Variants in ATP1B2 observed in about 807,000 individuals in gnomAD.
ATP1B2 encodes the protein ATPase Na+/K+ transporting subunit beta 2.
ATP1B2 carries 12 observed loss-of-function variants against 37.3 expected under a neutral mutation model. The observed-to-expected ratio is 0.32, with a 90% CI of 0.21 to 0.52. ATP1B2 has a LOEUF of 0.52. Ranked by LOEUF, ATP1B2 falls within the 20% of genes least tolerant of loss-of-function variation. ATP1B2 has a pLI of 0.96. For missense variants in ATP1B2, 324 were observed against 391.6 expected (o/e 0.83, Z 1.46); for synonymous variants, 139 against 140.5 (o/e 0.99, Z 0.07).
Position 7,655,250 on chromosome 17 carries a change from G to T in ATP1B2, c.610-277G>T, listed in dbSNP as rs1433214050. 5 of 515,576 alleles carry T rather than the reference G, an allele frequency of 9.7e-6. No individual in the cohort carries two copies. The highest frequency in any genetic ancestry group is 1.7e-5 in the Non-Finnish European group (5 of 290,108). 31.9% of individuals were successfully genotyped at this position (515,576 alleles called of 1,614,324 possible). A position where few individuals can be genotyped will look rare whatever the true frequency, so the allele number is the denominator to read the frequency against. On this transcript the variant is annotated intron_variant, in intron 5 of 6. Transcript: ENST00000250111. This position sits in a 1 kb window ranked among gnomAD's most constrained non-coding sequence, Gnocchi z 4.4. ...CTCTGCTCCAGAAACTGATTCCTGA[G>T]GATGGGGTAAGAACTTGGGGTAGGA...
Position 7,656,080 on chromosome 17 carries a change from C to T in ATP1B2, c.*185C>T, listed in dbSNP as rs1020165944. On this transcript the variant is annotated 3_prime_UTR_variant, in exon 7 of 7. Coordinates refer to ENST00000250111, the MANE Select transcript of ATP1B2 (RefSeq NM_001678.5). ...AAGTCCATTGCGGTTCCGTCACTCG[C>T]CTTTCCCACCAACTTCTCCCAACCT... 2.6e-5 allele frequency: 20 copies of T among 768,576 alleles called. No individual in the cohort carries two copies. The highest frequency in any genetic ancestry group is 3.5e-5 in the Non-Finnish European group (17 of 491,896). The allele number at this position is 768,576 out of a possible 1,614,324, so 47.6% of individuals were successfully genotyped here. A position where few individuals can be genotyped will look rare whatever the true frequency, so the allele number is the denominator to read the frequency against.
At position 7,657,083 on chromosome 17, in the gene ATP1B2, T is replaced by G. The variant is rs1332071585; in HGVS notation, c.*1188T>G. 6.6e-6 allele frequency: 1 copy of G among 152,164 alleles called. No individual in the cohort carries two copies. Among genetic ancestry groups the G allele is most frequent in the African/African-American group, 2.4e-5 (1 of 41,428 alleles). The allele number at this position is 152,164 out of a possible 1,614,324, so 9.4% of individuals were successfully genotyped here. A position where few individuals can be genotyped will look rare whatever the true frequency, so the allele number is the denominator to read the frequency against. ...CACTTTGTTTTTATGGATGGCTCCC[T>G]TCCCCCATTCGCCTTCCCAGAATAT... is the stretch of plus-strand genomic sequence containing the variant. On this transcript the variant is annotated 3_prime_UTR_variant, in exon 7 of 7. Transcript: ENST00000250111.
Position 7,653,836 on chromosome 17 carries a change from T to TG in ATP1B2, c.242-4dup. The TG allele has an allele frequency of 1.2e-6, 2 of 1,614,042 alleles. No individual in the cohort carries two copies. The highest frequency in any genetic ancestry group is 8.5e-7 in the Non-Finnish European group (1 of 1,179,914). ...ACCCCCAACTTCTGCCTTTGTTGGC[T>TG]GTAGGCTTGATGATTCGCCCCAAGA... On this transcript the variant is annotated splice_polypyrimidine_tract_variant and splice_region_variant and intron_variant, in intron 2 of 6. Coordinates refer to ENST00000250111, the MANE Select transcript of ATP1B2 (RefSeq NM_001678.5).
In ATP1B2 at chr17:7,657,421, C is replaced by A. The variant is rs2072662838; in HGVS notation, c.*1526C>A. On this transcript the variant is annotated 3_prime_UTR_variant, in exon 7 of 7. Coordinates refer to ENST00000250111, the MANE Select transcript of ATP1B2 (RefSeq NM_001678.5). The stretch of plus-strand genomic sequence containing the variant: ...ACAAAAACAAAAAAACCCATAATGC[C>A]CACAGAATGTCAAATGAGGGGCCTC... The A allele has an allele frequency of 6.6e-6, 1 of 152,276 alleles. No homozygotes were observed. The highest frequency in any genetic ancestry group is 2.4e-5 in the African/African-American group (1 of 41,414). 9.4% of individuals were successfully genotyped at this position (152,276 alleles called of 1,614,324 possible).
rs1481039215 is a variant in ATP1B2 at position 7,656,889 on chromosome 17, C to T, written c.*994C>T. 6 of 142,004 alleles carry T rather than the reference C, an allele frequency of 4.2e-5. No individual in the cohort carries two copies. Among genetic ancestry groups the T allele is most frequent in the African/African-American group, 1.6e-4 (6 of 38,356 alleles). 8.8% of individuals were successfully genotyped at this position (142,004 alleles called of 1,614,324 possible). ...GAGATGGGGGTTTCTCCTTGTTGGTCAGGCTGGTCTCGAACTCCCGACCTC... is the reference window on the plus strand; with the variant it reads ...GAGATGGGGGTTTCTCCTTGTTGGTTAGGCTGGTCTCGAACTCCCGACCTC... On this transcript the variant is annotated 3_prime_UTR_variant, in exon 7 of 7. Coordinates refer to ENST00000250111, the MANE Select transcript of ATP1B2 (RefSeq NM_001678.5).
rs762146423 is a variant in ATP1B2 at position 7,655,667 on chromosome 17, G to A, written c.708+42G>A. 1 of 1,613,970 alleles carries A rather than the reference G, an allele frequency of 6.2e-7. No individual in the cohort carries two copies. Among genetic ancestry groups the A allele is most frequent in the Admixed American group, 1.7e-5 (1 of 60,002 alleles). On this transcript the variant is annotated intron_variant, in intron 6 of 6. Transcript: ENST00000250111. This position sits in a 1 kb window ranked among gnomAD's most constrained non-coding sequence, Gnocchi z 4.4. ...GCCCAGGCTGATGGCGGGTGCGGGT[G>A]GTGAGCTAGGGAAGGAGGCCGCGTT...
upstream of ATP1B2, among the ~76,000 whole-genome samples, chr17:7,649,748 C>A (rs1316529684): frequency 6.6e-6 from 1 of 151,656 alleles, no homozygotes; most frequent in Non-Finnish European, 1.5e-5. Context: ...TTAGTAGGGA[C>A]GGGGTTTCAC....
At position 7,651,217 on chromosome 17, in the gene ATP1B2, GT is replaced by G. The variant is rs68145494; in HGVS notation, c.-301del. Reference sequence around the variant, plus strand: ...TTTCGTTTTGTTTCTAGACGGTTTGGTGGGGGGTGAAGCTGCATTCATACCC... The same window carrying G: ...TTTCGTTTTGTTTCTAGACGGTTTGGGGGGGGTGAAGCTGCATTCATACCC... On this transcript the variant is annotated 5_prime_UTR_variant, in exon 1 of 7. Transcript: ENST00000250111. The G allele has an allele frequency of 2.8e-3, 1,012 of 361,006 alleles. 1 individual carries two copies. Among genetic ancestry groups the G allele is most frequent in the African/African-American group, 0.011 (490 of 44,980 alleles). The allele number at this position is 361,006 out of a possible 1,614,324, so 22.4% of individuals were successfully genotyped here. A position where few individuals can be genotyped will look rare whatever the true frequency, so the allele number is the denominator to read the frequency against.
chr17:7,655,919 C>G lies in ATP1B2; in HGVS notation c.*24C>G, dbSNP rs2072648587. The G allele has an allele frequency of 3.7e-6, 6 of 1,612,830 alleles. No individual in the cohort carries two copies. Among genetic ancestry groups the G allele is most frequent in the Non-Finnish European group, 5.1e-6 (6 of 1,179,404 alleles). ...GAGGCCCCTTCCTCCCACCCCATCT[C>G]TCTCCTGTGGATGCTCCTGGAATGT... On this transcript the variant is annotated 3_prime_UTR_variant, in exon 7 of 7. Transcript: ENST00000250111. The surrounding 1 kb of genome is among the most constrained non-coding windows in gnomAD (Gnocchi z 4.4).
rs1356403045 is a variant in ATP1B2, at chr17:7,654,694, T to C, written c.609+10T>C. Reference sequence around the variant, plus strand: ...TACCTGTGCTGGGAAGGTGAGTTCGTTGGGCCTTGTCTGCCTGCTCACCTG... The same window carrying C: ...TACCTGTGCTGGGAAGGTGAGTTCGCTGGGCCTTGTCTGCCTGCTCACCTG... On this transcript the variant is annotated intron_variant, in intron 5 of 6. Coordinates refer to ENST00000250111, the MANE Select transcript of ATP1B2 (RefSeq NM_001678.5). The surrounding 1 kb of genome is among the most constrained non-coding windows in gnomAD (Gnocchi z 4.9). The C allele has an allele frequency of 6.2e-7, 1 of 1,614,122 alleles. No homozygotes were observed. The highest frequency in any genetic ancestry group is 8.5e-7 in the Non-Finnish European group (1 of 1,179,966).
At chr17:7,647,587 G>C (rs889187142), upstream of ATP1B2, among the ~76,000 whole-genome samples, 1 of 152,158 alleles carries the variant, frequency 6.6e-6, no homozygotes, top group Non-Finnish European at 1.5e-5. Flanking sequence ...TTGGGAGGCC[G>C]AGGTGGGCGG....
rs376750521 is a variant in ATP1B2, at chr17:7,654,164, C to G, written c.459C>G (p.Asn153Lys). The change falls in exon 4 of 7, where the codon AAC becomes AAG. Residue 153 changes from asparagine (N) to lysine (K), a missense_variant. Physicochemically the swap from Asn to Lys is moderately conservative, Grantham distance 94. Transcript: ENST00000250111. The surrounding 1 kb of genome is among the most constrained non-coding windows in gnomAD (Gnocchi z 4.9). ...ACCCCAAACGTGCCTGCCAATTCAACCGGACCCAGCTGGGCAACTGCTCCG... is the reference window on the plus strand; with the variant it reads ...ACCCCAAACGTGCCTGCCAATTCAAGCGGACCCAGCTGGGCAACTGCTCCG... The part of the protein sequence containing the change: ...LNYPKRACQF[N>K]RTQLGNCSGI... 267 of 1,614,108 alleles carry G rather than the reference C, an allele frequency of 1.7e-4. No homozygotes were observed. Among genetic ancestry groups the G allele is most frequent in the Non-Finnish European group, 2.2e-4 (259 of 1,180,054 alleles).
At chr17:7,648,412 T>G (rs1641517), upstream of ATP1B2, among the ~76,000 whole-genome samples, 114,758 of 151,278 alleles carry the variant, frequency 0.76, 45,299 homozygotes, top group Middle Eastern at 0.9. Flanking sequence ...ATCCCATCTC[T>G]ACAAAAAAAT....
Position 7,653,866 on chromosome 17 carries a change from G to C in ATP1B2, c.267G>C (p.Glu89Asp). 1 of 1,614,140 alleles carries C rather than the reference G, an allele frequency of 6.2e-7. No homozygotes were observed. Residue 89 changes from glutamate to aspartate, a missense_variant, in exon 3 of 7, where the codon GAG (glutamate) becomes GAC (aspartate). Coordinates refer to ENST00000250111, the MANE Select transcript of ATP1B2 (RefSeq NM_001678.5). The stretch of plus-strand genomic sequence containing the variant: ...GCTTGATGATTCGCCCCAAGACTGA[G>C]AACCTTGATGTCATTGTCAATGTCA... Reference protein sequence around the residue: ...TPGLMIRPKTENLDVIVNVSD... With the variant: ...TPGLMIRPKTDNLDVIVNVSD...
intron 1 of ATP1B2, among the ~76,000 whole-genome samples, chr17:7,652,310 C>T: frequency 6.7e-6 from 1 of 150,314 alleles, no homozygotes; most frequent in Non-Finnish European, 1.5e-5. Flanking sequence ...CCAGGCTGAC[C>T]ATGGCAGGAC....
At chr17:7,649,196 G>C (rs903863502), upstream of ATP1B2, among the ~76,000 whole-genome samples, 1 of 151,932 alleles carries the variant, frequency 6.6e-6, no homozygotes. Flanking sequence ...GGGATTACAG[G>C]CTCCCACCAC....
Position 7,655,075 on chromosome 17 carries a change from T to A in ATP1B2, c.609+391T>A, listed in dbSNP as rs1159953725. On this transcript the variant is annotated intron_variant, in intron 5 of 6. Coordinates refer to ENST00000250111, the MANE Select transcript of ATP1B2 (RefSeq NM_001678.5). This position sits in a 1 kb window ranked among gnomAD's most constrained non-coding sequence, Gnocchi z 4.4. ...TCTAGGTGTCTGGTAGCTGCTGATC[T>A]GTTAGCACCATCTGCCACCAGTTCG... Among the ~76,000 whole-genome samples, 1 of 152,200 alleles carries A rather than the reference T, an allele frequency of 6.6e-6. No individual in the cohort carries two copies. The highest frequency in any genetic ancestry group is 1.5e-5 in the Non-Finnish European group (1 of 68,034).
At chr17:7,647,804 G>A (rs2072583708), upstream of ATP1B2, among the ~76,000 whole-genome samples, 1 of 146,706 alleles carries the variant, frequency 6.8e-6, no homozygotes, top group Non-Finnish European at 1.5e-5. Context: ...GGGCGACAGA[G>A]TGAGACTCCG....
chr17:7,656,192 C>A lies in ATP1B2; in HGVS notation c.*297C>A. On this transcript the variant is annotated 3_prime_UTR_variant, in exon 7 of 7. Transcript: ENST00000250111. ...TTCTGGTTTAGCTGTGAGAGCTATC[C>A]ACTCTCCTGCCTGCATATCCCCTGA... The A allele has an allele frequency of 2.3e-6, 1 of 435,808 alleles. No individual in the cohort carries two copies. The highest frequency in any genetic ancestry group is 2.7e-5 in the South Asian group (1 of 37,596). The allele number at this position is 435,808 out of a possible 1,614,324, so 27.0% of individuals were successfully genotyped here.
Sources: gnomAD v4.1 joint callset for allele counts (sites outside exome capture counted in the v4.1 genomes callset) on GRCh38, gnomAD v4.1.1 for gene constraint, Gnocchi (gnomAD v3.1) non-coding constraint, MANE v1.5 for transcripts, NCBI Gene and HGNC (gene_info 2026-07-23, HGNC 2026-07-21) for gene names.